P3H4: variants seen among roughly 807,000 people sequenced by gnomAD.
P3H4 encodes the protein endoplasmic reticulum protein SC65.
Under a neutral mutation model 52.9 loss-of-function variants are expected in P3H4, and 47 were observed. That is an observed-to-expected ratio of 0.89 (90% confidence interval 0.70 to 1.13). P3H4 has a LOEUF of 1.13. Ranked by LOEUF, P3H4 falls within the 50% of genes most tolerant of loss-of-function variation. The pLI is 0.00. For missense variants in P3H4, 585 were observed against 611.0 expected (o/e 0.96, Z 0.45); for synonymous variants, 256 against 267.9 (o/e 0.96, Z 0.44).
chr17:41,806,761 T>G (rs782480936), intron 6 of P3H4, 35 bp downstream of exon 6: 1 of 1,584,744 alleles, frequency 6.3e-7, no homozygotes, highest in South Asian at 1.1e-5. Flanking sequence ...GGTGTCCCCA[T>G]CACAGCCCAA....
chr17:41,811,912 C>T lies in P3H4; in HGVS notation c.4G>A (p.Ala2Thr). The change falls in exon 1 of 8, where the codon GCT becomes ACT. Residue 2 changes from alanine (A) to threonine (T), a missense_variant. Coordinates refer to ENST00000393928, the MANE Select transcript of P3H4 (RefSeq NM_006455.3). This position sits in a 1 kb window ranked among gnomAD's most constrained non-coding sequence, Gnocchi z 4.8. ...CACAGCAGCCCCCACGCCACCCGAG[C>T]CATGCCCGCCGCGCCGCCGGCTCTC... is the stretch of plus-strand genomic sequence containing the variant. M[A>T]RVAWGLLWLL... 6.6e-7 allele frequency: 1 copy of T among 1,504,588 alleles called. No homozygotes were observed. Among genetic ancestry groups the T allele is most frequent in the Non-Finnish European group, 8.8e-7 (1 of 1,135,612 alleles). 93.2% of individuals were successfully genotyped at this position (1,504,588 alleles called of 1,614,324 possible).
In P3H4 at chr17:41,806,809, T is replaced by G; in HGVS notation, c.1133A>C (p.Gln378Pro). 6.2e-7 allele frequency: 1 copy of G among 1,613,670 alleles called. No homozygotes were observed. Among genetic ancestry groups the G allele is most frequent in the Non-Finnish European group, 8.5e-7 (1 of 1,179,784 alleles). Reference sequence around the variant, plus strand: ...GGAGGCACTCACCTCATCATCTGACTGCAGGTACATGTGGGTGAACTCCAG... The same window carrying G: ...GGAGGCACTCACCTCATCATCTGACGGCAGGTACATGTGGGTGAACTCCAG... ...ELLEFTHMYL[Q>P]SDDEMELEET... is the part of the protein sequence containing the mutation. Residue 378 changes from glutamine (Q) to proline (P), a missense_variant, in exon 6 of 8, where the codon CAG becomes CCG. Transcript: ENST00000393928.
Position 41,811,898 on chromosome 17 carries a change from C to G in P3H4, c.18G>C (p.Trp6Cys). The change falls in exon 1 of 8, where the codon TGG becomes TGC. Residue 6 changes from tryptophan to cysteine, a missense_variant. Trp to Cys is a radical substitution (Grantham distance 215, BLOSUM62 -2). Coordinates refer to ENST00000393928, the MANE Select transcript of P3H4 (RefSeq NM_006455.3). The surrounding 1 kb of genome is among the most constrained non-coding windows in gnomAD (Gnocchi z 4.8). MARVA[W>C]GLLWLLLGSA... ...TGCCCAGCAGCAACCACAGCAGCCCCCACGCCACCCGAGCCATGCCCGCCG... is the reference window on the plus strand; with the variant it reads ...TGCCCAGCAGCAACCACAGCAGCCCGCACGCCACCCGAGCCATGCCCGCCG... The G allele has an allele frequency of 6.6e-7, 1 of 1,516,184 alleles. No individual in the cohort carries two copies. Among genetic ancestry groups the G allele is most frequent in the Non-Finnish European group, 8.8e-7 (1 of 1,141,826 alleles). 93.9% of individuals were successfully genotyped at this position (1,516,184 alleles called of 1,614,324 possible). A position where few individuals can be genotyped will look rare whatever the true frequency, so the allele number is the denominator to read the frequency against.
At chr17:41,809,895 T>C (rs1250313232) in intron 3 of P3H4, 61 bp from the exon 4 acceptor site, 1 of 1,571,530 alleles carries the variant, frequency 6.4e-7, no homozygotes, top group African/African-American at 1.3e-5. Context: ...GTCCCCCCAG[T>C]GGAGAAGACT....
chr17:41,806,091 C>T (rs1458439886), intron 6 of P3H4, among the ~76,000 whole-genome samples: 3 of 151,852 alleles, frequency 2.0e-5, no homozygotes, highest in Non-Finnish European at 2.9e-5. Flanking sequence ...TGGTGGTGCA[C>T]GCCTGTAATC....
chr17:41,804,584 C>T (rs1017136923), intron 6 of P3H4, among the ~76,000 whole-genome samples: 3 of 152,104 alleles, frequency 2.0e-5, no homozygotes, highest in African/African-American at 7.2e-5. Flanking sequence ...GCTGAGACTG[C>T]ACCACTGCAC....
chr17:41,811,108 C>T lies in P3H4; in HGVS notation c.615+24G>A, dbSNP rs782690926. ...TCCTCTACTAGCCCTCCTCTACAAG[C>T]CTCCTCCTGACCCTCCACCCCACCT... On this transcript the variant is annotated intron_variant, in intron 2 of 7. Transcript: ENST00000393928. The surrounding 1 kb of genome is among the most constrained non-coding windows in gnomAD (Gnocchi z 4.8). The T allele has an allele frequency of 1.2e-6, 2 of 1,613,688 alleles. No individual in the cohort carries two copies. The highest frequency in any genetic ancestry group is 1.1e-5 in the South Asian group (1 of 91,046).
chr17:41,810,756 G>C lies in P3H4; in HGVS notation c.787+107C>G, dbSNP rs2047721206. On this transcript the variant is annotated intron_variant, in intron 3 of 7. Coordinates refer to ENST00000393928, the MANE Select transcript of P3H4 (RefSeq NM_006455.3). ...TCTCAACAGACAAGGCCTTCCTCCC[G>C]GCTGGCTCCTCCGCATTCGCAGTGC... 9 of 1,373,654 alleles carry C rather than the reference G, an allele frequency of 6.6e-6. No individual in the cohort carries two copies. The South Asian group carries it at 8.6e-5, about 13-fold the overall frequency. 85.1% of individuals were successfully genotyped at this position (1,373,654 alleles called of 1,614,324 possible).
Position 41,811,542 on chromosome 17 carries a change from G to A in P3H4, c.374C>T (p.Ala125Val). The change falls in exon 1 of 8, where the codon GCC becomes GTC. Residue 125 changes from alanine to valine, a missense_variant. Ala to Val is a moderately conservative substitution (Grantham distance 64). Coordinates refer to ENST00000393928, the MANE Select transcript of P3H4 (RefSeq NM_006455.3). This position sits in a 1 kb window ranked among gnomAD's most constrained non-coding sequence, Gnocchi z 4.8. ...CCGCGGCGGGTAGGGCACCTGGAAG[G>A]CGGGCAGCGTCCGCTTGCAGCGCCG... ...CLRRCKRTLP[A>V]FQVPYPPRQL... The A allele has an allele frequency of 1.2e-6, 2 of 1,610,516 alleles. No individual in the cohort carries two copies. Among genetic ancestry groups the A allele is most frequent in the Middle Eastern group, 1.7e-4 (1 of 6,024 alleles).
intron 4 of P3H4, 71 bp downstream of exon 4, chr17:41,809,635 G>A (rs2047708158): frequency 6.5e-7 from 1 of 1,534,600 alleles, no homozygotes; most frequent in Admixed American, 1.8e-5. Context: ...CACAACTCTG[G>A]GAGGCTCCCA....
intron 5 of P3H4, chr17:41,807,139 G>T (rs2047682562): frequency 3.9e-6 from 2 of 508,590 alleles, no homozygotes; most frequent in Non-Finnish European, 7.1e-6. Flanking sequence ...GGCACCATGT[G>T]CCCCATATTT....
At position 41,811,699 on chromosome 17, in the gene P3H4, C is replaced by A. The variant is rs1348540771; in HGVS notation, c.217G>T (p.Glu73Ter). ...LRLHRLLRDSEAFCHANCSGP... is the reference protein window; with the variant it reads ...LRLHRLLRDS ...CTGCAGTTGGCGTGGCAGAAGGCCT[C>A]GCTGTCGCGCAGGAGCCGGTGCAGC... The change falls in exon 1 of 8, where the codon GAG becomes TAG. Residue 73 changes from glutamate (E) to a stop codon, truncating the protein, a stop_gained. Coordinates refer to ENST00000393928, the MANE Select transcript of P3H4 (RefSeq NM_006455.3). LOFTEE classifies it high-confidence loss of function. The surrounding 1 kb of genome is among the most constrained non-coding windows in gnomAD (Gnocchi z 4.8). 16 of 1,465,914 alleles carry A rather than the reference C, an allele frequency of 1.1e-5. No individual in the cohort carries two copies. Among genetic ancestry groups the A allele is most frequent in the African/African-American group, 1.5e-5 (1 of 67,954 alleles). The allele number at this position is 1,465,914 out of a possible 1,614,324, so 90.8% of individuals were successfully genotyped here. A position where few individuals can be genotyped will look rare whatever the true frequency, so the allele number is the denominator to read the frequency against.
rs782579289 is a variant in P3H4 at position 41,811,225 on chromosome 17, C to T, written c.522G>A (p.Lys174=). 2 of 1,614,072 alleles carry T rather than the reference C, an allele frequency of 1.2e-6. No individual in the cohort carries two copies. Among genetic ancestry groups the T allele is most frequent in the South Asian group, 1.1e-5 (1 of 91,076 alleles). ...TGAGATACTTGGCGGTCAGCTCGTGCTTCGGGTTCCTCTGGAGGAAGGTGT... is the reference window on the plus strand; with the variant it reads ...TGAGATACTTGGCGGTCAGCTCGTGTTTCGGGTTCCTCTGGAGGAAGGTGT... ...AAYTFLQRNP[K]HELTAKYLNY... Residue 174 remains lysine, a synonymous_variant, in exon 2 of 8, where the codon AAG becomes AAA. Transcript: ENST00000393928. The surrounding 1 kb of genome is among the most constrained non-coding windows in gnomAD (Gnocchi z 4.8).
At chr17:41,808,039 A>C in intron 4 of P3H4, 35 bp from the exon 5 acceptor site, 1 of 1,594,946 alleles carries the variant, frequency 6.3e-7, no homozygotes, top group Non-Finnish European at 8.6e-7. Flanking sequence ...TTGCTCTGGC[A>C]CTTCCCCTTC....
In P3H4 at chr17:41,810,587, C is replaced by G. The variant is rs1216794049; in HGVS notation, c.787+276G>C. 2 of 441,428 alleles carry G rather than the reference C, an allele frequency of 4.5e-6. 1 individual carries two copies. The highest frequency in any genetic ancestry group is 7.4e-5 in the East Asian group (2 of 26,870). 27.3% of individuals were successfully genotyped at this position (441,428 alleles called of 1,614,324 possible). Reference sequence around the variant, plus strand: ...ACACATCTGCTGGGTTACTTCTCACCGCTGCACCTTTGCATCTGCACTGCC... The same window carrying G: ...ACACATCTGCTGGGTTACTTCTCACGGCTGCACCTTTGCATCTGCACTGCC... On this transcript the variant is annotated intron_variant, in intron 3 of 7. Coordinates refer to ENST00000393928, the MANE Select transcript of P3H4 (RefSeq NM_006455.3).
rs200813933 is a variant in P3H4, at chr17:41,811,824, T to C, written c.92A>G (p.Glu31Gly). 1.0e-3 allele frequency: 1,567 copies of C among 1,539,878 alleles called. 10 individuals are homozygous for C. In the African/African-American group the frequency reaches 0.02, roughly 20 times the overall value. ...CGCCGCGGCCAGCGGCATCAGGTCC[T>C]CGGGCGGGAAGCCCCGGAAGCTGTA... The part of the protein sequence containing the change: ...EKYSFRGFPP[E>G]DLMPLAAAYG... Residue 31 changes from glutamate to glycine, a missense_variant, in exon 1 of 8, where the codon GAG becomes GGG. By Grantham distance (98) the Glu-to-Gly change is moderately conservative (BLOSUM62 -2). Coordinates refer to ENST00000393928, the MANE Select transcript of P3H4 (RefSeq NM_006455.3). This position sits in a 1 kb window ranked among gnomAD's most constrained non-coding sequence, Gnocchi z 4.8.
chr17:41,806,752 G>A, intron 6 of P3H4, 44 bp downstream of exon 6: 1 of 1,534,726 alleles, frequency 6.5e-7, no homozygotes, highest in Admixed American at 1.7e-5. Context: ...AAGGTCCAAG[G>A]TGTCCCCATC....
chr17:41,803,385 A>G lies in P3H4; in HGVS notation c.1193T>C (p.Leu398Pro). Residue 398 changes from leucine to proline, a missense_variant, in exon 7 of 8, where the codon CTA (leucine) becomes CCA (proline). Transcript: ENST00000393928. ...TEPPLEPEDA[L>P]SDAEFEGEGD... ...CTCCCCCTCAAACTCGGCGTCAGATAGGGCATCCTCAGGCTCCAGGGGCGG... is the reference window on the plus strand; with the variant it reads ...CTCCCCCTCAAACTCGGCGTCAGATGGGGCATCCTCAGGCTCCAGGGGCGG... 6.2e-7 allele frequency: 1 copy of G among 1,613,956 alleles called. No homozygotes were observed. The highest frequency in any genetic ancestry group is 8.5e-7 in the Non-Finnish European group (1 of 1,179,940).
rs2047737436 is a variant in P3H4, at chr17:41,811,527, T to TAGGGCACCTGGAAGGCGGGC, written c.369_388dup (p.Tyr130CysfsTer55). ...GTCACGCAGCAGCTGCCGCGGCGGG[T>TAGGGCACCTGGAAGGCGGGC]AGGGCACCTGGAAGGCGGGCAGCGT... On this transcript the variant is annotated frameshift_variant, in exon 1 of 8. Transcript: ENST00000393928. LOFTEE classifies it high-confidence loss of function. This position sits in a 1 kb window ranked among gnomAD's most constrained non-coding sequence, Gnocchi z 4.8. The TAGGGCACCTGGAAGGCGGGC allele has an allele frequency of 6.2e-7, 1 of 1,610,544 alleles. No individual in the cohort carries two copies. Among genetic ancestry groups the TAGGGCACCTGGAAGGCGGGC allele is most frequent in the Admixed American group, 1.7e-5 (1 of 59,862 alleles).
Sources: allele counts gnomAD v4.1 joint callset (sites outside exome capture counted in the v4.1 genomes callset), GRCh38; gene constraint gnomAD v4.1.1; non-coding constraint Gnocchi (gnomAD v3.1); transcripts MANE v1.5; gene names NCBI Gene and HGNC (gene_info 2026-07-23, HGNC 2026-07-21).